PTPRD: variants seen among roughly 807,000 people sequenced by gnomAD.
PTPRD encodes receptor-type tyrosine-protein phosphatase delta.
PTPRD carries 34 observed loss-of-function variants against 214.5 expected under a neutral mutation model. The observed-to-expected ratio is 0.16, with a 90% confidence interval of 0.12 to 0.21. PTPRD has a LOEUF of 0.21. Among genes scored for constraint, PTPRD ranks in the 10% least tolerant of loss-of-function variants. PTPRD has a pLI of 1.00. For missense variants in PTPRD, 2,545 were observed against 2,398.7 expected (o/e 1.06, Z -1.27); for synonymous variants, 1,128 against 845.7 (o/e 1.33, Z -5.79).
At chr9:9,249,437 A>G (rs1170916437) in intron 9 of PTPRD, among the ~76,000 whole-genome samples, 3 of 152,026 alleles carry the variant, frequency 2.0e-5, no homozygotes, top group African/African-American at 7.2e-5. Context: ...TTCTTCGTAA[A>G]CCTCTTGATT....
chr9:8,628,727 TG>T (rs1309600578), intron 14 of PTPRD, among the ~76,000 whole-genome samples: 1 of 151,856 alleles, frequency 6.6e-6, no homozygotes, highest in African/African-American at 2.4e-5. Context: ...GACCTAGACT[TG>T]GGTACTTCAC....
intron 7 of PTPRD, among the ~76,000 whole-genome samples, chr9:9,713,071 A>T (rs2097764140): frequency 6.6e-6 from 1 of 152,208 alleles, no homozygotes. Context: ...AAATAAAATA[A>T]TTGTATATGG....
At chr9:8,534,313 C>G (rs373020229) in intron 14 of PTPRD, among the ~76,000 whole-genome samples, 26 of 151,976 alleles carry the variant, frequency 1.7e-4, no homozygotes, top group African/African-American at 6.3e-4. Context: ...CTATATTCTA[C>G]TGTTATTCTA....
At chr9:8,781,301 C>A (rs1019306653) in intron 11 of PTPRD, among the ~76,000 whole-genome samples, 1 of 152,162 alleles carries the variant, frequency 6.6e-6, no homozygotes, top group Non-Finnish European at 1.5e-5. Flanking sequence ...GCAACTCCTC[C>A]AGAAGGCTTA....
intron 12 of PTPRD, among the ~76,000 whole-genome samples, chr9:8,695,642 T>C (rs1294254031): frequency 6.6e-6 from 1 of 152,172 alleles, no homozygotes; most frequent in Non-Finnish European, 1.5e-5. Context: ...TTTTATTCTA[T>C]TTTCTCATCT....
At chr9:8,981,927 T>C (rs1459532873) in intron 11 of PTPRD, among the ~76,000 whole-genome samples, 1 of 152,070 alleles carries the variant, frequency 6.6e-6, no homozygotes, top group African/African-American at 2.4e-5. Flanking sequence ...TTTCTGTTGA[T>C]TTTCCACTGA....
At chr9:9,088,342 C>A (rs1009158252) in intron 10 of PTPRD, among the ~76,000 whole-genome samples, 2 of 151,562 alleles carry the variant, frequency 1.3e-5, no homozygotes, top group African/African-American at 2.4e-5. Context: ...GGTCCCAGCA[C>A]TTTGGGAGGC....
intron 11 of PTPRD, among the ~76,000 whole-genome samples, chr9:8,932,996 T>G (rs965390347): frequency 1.3e-5 from 2 of 152,112 alleles, no homozygotes; most frequent in Non-Finnish European, 2.9e-5. Context: ...GCCCTGGTGG[T>G]GTAGGCACCA....
At chr9:9,870,017 A>G (rs1196937587) in intron 5 of PTPRD, among the ~76,000 whole-genome samples, 4 of 152,098 alleles carry the variant, frequency 2.6e-5, no homozygotes, top group Admixed American at 2.6e-4. Flanking sequence ...TTACATCAAT[A>G]TTATCTGTTA....
chr9:9,425,209 G>A (rs1420823894), intron 8 of PTPRD, among the ~76,000 whole-genome samples: 1 of 151,816 alleles, frequency 6.6e-6, no homozygotes, highest in Non-Finnish European at 1.5e-5. Context: ...GGTGATGCTT[G>A]GCTCCCAGAA....
chr9:9,179,055 G>C (rs954738272), intron 10 of PTPRD, among the ~76,000 whole-genome samples: 28 of 152,066 alleles, frequency 1.8e-4, no homozygotes, highest in African/African-American at 6.7e-4. Flanking sequence ...TAGAAGATCT[G>C]GTTTATGTCT....
intron 10 of PTPRD, among the ~76,000 whole-genome samples, chr9:9,077,157 T>TG (rs1255189447): frequency 6.6e-6 from 1 of 151,128 alleles, no homozygotes; most frequent in Non-Finnish European, 1.5e-5. Context: ...ATTATTAGTT[T>TG]TTTTTTTTTT....
chr9:10,281,275 T>G (rs2095094954), intron 3 of PTPRD, among the ~76,000 whole-genome samples: 1 of 152,128 alleles, frequency 6.6e-6, no homozygotes, highest in African/African-American at 2.4e-5. Context: ...AGATGTTAAC[T>G]CTAAGCATAA....
intron 45 of PTPRD, among the ~76,000 whole-genome samples, chr9:8,318,467 G>T (rs1386408712): frequency 6.6e-6 from 1 of 152,074 alleles, no homozygotes; most frequent in Non-Finnish European, 1.5e-5. Context: ...GGACAGTAGA[G>T]CTTGCAGTGA....
intron 9 of PTPRD, among the ~76,000 whole-genome samples, chr9:9,361,098 T>C (rs2055961174): frequency 6.6e-6 from 1 of 151,224 alleles, no homozygotes; most frequent in South Asian, 2.1e-4. Flanking sequence ...AATCATGTCA[T>C]GTTTAAATCC....
chr9:8,837,025 CTTT>C (rs1183213879), intron 11 of PTPRD, among the ~76,000 whole-genome samples: 2 of 125,182 alleles, frequency 1.6e-5, no homozygotes, highest in African/African-American at 2.9e-5. Context: ...CCACACCCAG[CTTT>C]TTTTTTTTTT....
chr9:9,551,822 G>A (rs1163410019), intron 8 of PTPRD, among the ~76,000 whole-genome samples: 1 of 151,930 alleles, frequency 6.6e-6, no homozygotes, highest in Non-Finnish European at 1.5e-5. Flanking sequence ...TCTGCTAGTG[G>A]ACTGTAATTT....
chr9:8,314,270 G>C lies in PTPRD; in HGVS notation c.*3604C>G, dbSNP rs1344437959. On this transcript the variant is annotated 3_prime_UTR_variant, in exon 46 of 46. Transcript: ENST00000381196. ...CTGCATAACACTGACATTTTTATTA[G>C]AATTCATTTGTAACAAATGGAACTT... The C allele has an allele frequency of 3.3e-5, 7 of 214,358 alleles. No homozygotes were observed. The highest frequency in any genetic ancestry group is 1.6e-4 in the African/African-American group (7 of 44,238). 13.3% of individuals were successfully genotyped at this position (214,358 alleles called of 1,614,324 possible). A position where few individuals can be genotyped will look rare whatever the true frequency, so the allele number is the denominator to read the frequency against.
intron 2 of PTPRD, among the ~76,000 whole-genome samples, chr9:10,611,916 C>CCCCCT (rs1491167084): frequency 1.1e-5 from 1 of 91,528 alleles, no homozygotes; most frequent in Non-Finnish European, 2.3e-5. Context: ...CCCCCCCCCC[C>CCCCCT]TTTTTTTTTC....
Sources: allele counts gnomAD v4.1 joint callset (sites outside exome capture counted in the v4.1 genomes callset), GRCh38; gene constraint gnomAD v4.1.1; transcripts MANE v1.5; gene names NCBI Gene and HGNC (gene_info 2026-07-23, HGNC 2026-07-21).